Variants in UST observed in about 807,000 individuals in gnomAD.
The protein encoded by UST is uronyl 2-sulfotransferase.
Under a neutral mutation model 45.6 loss-of-function variants are expected in UST, and 21 were observed. The ratio of observed to expected loss-of-function variants is 0.46; its 90% CI spans 0.33 to 0.66. UST has a LOEUF of 0.66. Ranked by LOEUF, UST falls within the 30% of genes least tolerant of loss-of-function variation. The pLI, the probability that UST is intolerant of heterozygous loss-of-function variation, is 0.02. For synonymous variants in UST, 215 were observed against 200.6 expected, an observed-to-expected ratio of 1.07 and a Z score of -0.61; for missense variants, 463 against 512.4, an observed-to-expected ratio of 0.90 and a Z score of 0.93.
intron 3 of UST, among the ~76,000 whole-genome samples, chr6:148,945,885 A>G (rs1780224984): frequency 6.6e-6 from 1 of 152,168 alleles, no homozygotes; most frequent in Non-Finnish European, 1.5e-5. Flanking sequence ...CTACTATATC[A>G]CTATAAACGT....
At chr6:149,016,906 T>C (rs1285217359) in intron 5 of UST, among the ~76,000 whole-genome samples, 3 of 152,188 alleles carry the variant, frequency 2.0e-5, no homozygotes, top group African/African-American at 7.2e-5. Context: ...ACCAGGGTTA[T>C]TGGGTCCCTC....
intron 1 of UST, among the ~76,000 whole-genome samples, chr6:148,754,230 T>C (rs1431439955): frequency 6.6e-6 from 1 of 152,116 alleles, no homozygotes; most frequent in African/African-American, 2.4e-5. Flanking sequence ...TCTCCTGACC[T>C]CGTGATTCGC....
chr6:148,793,105 A>G (rs982748830), intron 1 of UST, among the ~76,000 whole-genome samples: 3 of 152,178 alleles, frequency 2.0e-5, no homozygotes, highest in Admixed American at 2.0e-4. Context: ...ACATGAAATG[A>G]TTTTTAATAT....
At chr6:148,819,964 G>A (rs980038039) in intron 1 of UST, among the ~76,000 whole-genome samples, 3 of 152,128 alleles carry the variant, frequency 2.0e-5, no homozygotes, top group African/African-American at 7.2e-5. Flanking sequence ...TTTCTAGAAT[G>A]CTCCGAAGGC....
chr6:149,076,876 C>CT lies in UST; in HGVS notation c.*2773dup, dbSNP rs36118825. On this transcript the variant is annotated 3_prime_UTR_variant, in exon 8 of 8. Coordinates refer to ENST00000367463, the MANE Select transcript of UST (RefSeq NM_005715.3). ...GAGTGCCGTAAAAGTGCTTGTAAAT[C>CT]TTTTTTTTTTTTTAAGAAGAAAGAA... The CT allele has an allele frequency of 3.8e-3, 519 of 137,006 alleles. 4 individuals carry two copies. The highest frequency in any genetic ancestry group is 0.011 in the Middle Eastern group (3 of 264). 8.5% of individuals were successfully genotyped at this position (137,006 alleles called of 1,614,324 possible). A position where few individuals can be genotyped will look rare whatever the true frequency, so the allele number is the denominator to read the frequency against.
At chr6:148,891,784 T>C (rs1021518845) in intron 2 of UST, among the ~76,000 whole-genome samples, 1 of 152,216 alleles carries the variant, frequency 6.6e-6, no homozygotes, top group Non-Finnish European at 1.5e-5. Flanking sequence ...CAGAAAAAAA[T>C]AGTCATCACC....
chr6:148,898,834 T>C (rs980908774), intron 2 of UST, among the ~76,000 whole-genome samples: 4 of 152,196 alleles, frequency 2.6e-5, no homozygotes, highest in African/African-American at 9.7e-5. Context: ...CAGACCAGCC[T>C]CAGTTACAAA....
intron 1 of UST, among the ~76,000 whole-genome samples, chr6:148,879,434 T>G (rs900128068): frequency 3.3e-5 from 5 of 152,248 alleles, no homozygotes; most frequent in Non-Finnish European, 7.3e-5. Context: ...GAATTTGTGT[T>G]TTGCAGCTCA....
intron 1 of UST, among the ~76,000 whole-genome samples, chr6:148,775,962 A>G (rs139311973): frequency 8.5e-5 from 13 of 152,260 alleles, no homozygotes; most frequent in East Asian, 5.8e-4. Context: ...ACCTTGTTCT[A>G]GGAGAACAGG....
chr6:148,980,027 C>A (rs944245989), intron 5 of UST, among the ~76,000 whole-genome samples: 1 of 152,122 alleles, frequency 6.6e-6, no homozygotes, highest in Non-Finnish European at 1.5e-5. Context: ...GCTTATTGTG[C>A]CTCACAATAT....
chr6:148,773,360 C>A (rs1262035281), intron 1 of UST, among the ~76,000 whole-genome samples: 1 of 151,870 alleles, frequency 6.6e-6, no homozygotes, highest in Non-Finnish European at 1.5e-5. Flanking sequence ...ACTCAGGAGG[C>A]TGAGGCAGGA....
intron 1 of UST, among the ~76,000 whole-genome samples, chr6:148,880,901 C>T (rs915744764): frequency 2.0e-5 from 3 of 151,702 alleles, no homozygotes; most frequent in Non-Finnish European, 4.4e-5. Flanking sequence ...TGGTGGTGGG[C>T]GCCTGTAATC....
intron 1 of UST, among the ~76,000 whole-genome samples, chr6:148,855,332 T>A (rs549475133): frequency 6.6e-6 from 1 of 152,196 alleles, no homozygotes; most frequent in Non-Finnish European, 1.5e-5. Flanking sequence ...CCTCTCATAG[T>A]GCTCTAACAA....
intron 7 of UST, among the ~76,000 whole-genome samples, chr6:149,061,164 G>A (rs1205180133): frequency 1.3e-5 from 2 of 152,154 alleles, no homozygotes; most frequent in Non-Finnish European, 2.9e-5. Flanking sequence ...CTGTCCTCCG[G>A]TGCAGCAGCT....
intron 5 of UST, among the ~76,000 whole-genome samples, chr6:149,006,719 C>A (rs1775703364): frequency 6.6e-6 from 1 of 152,176 alleles, no homozygotes; most frequent in South Asian, 2.1e-4. Flanking sequence ...ACCAACAGTG[C>A]AAAATGTTCC....
chr6:148,829,402 G>A (rs1418162614), intron 1 of UST, among the ~76,000 whole-genome samples: 2 of 152,200 alleles, frequency 1.3e-5, no homozygotes, highest in Non-Finnish European at 2.9e-5. Flanking sequence ...GGAAAATGCA[G>A]AAATCTTCAG....
intron 5 of UST, among the ~76,000 whole-genome samples, chr6:148,984,250 C>T (rs967584682): frequency 1.3e-5 from 2 of 152,136 alleles, no homozygotes; most frequent in Admixed American, 6.5e-5. Context: ...TGGTTCTAGC[C>T]CTCCCAGAGT....
At chr6:148,849,193 A>G (rs1031534778) in intron 1 of UST, among the ~76,000 whole-genome samples, 2 of 152,206 alleles carry the variant, frequency 1.3e-5, no homozygotes, top group African/African-American at 4.8e-5. Flanking sequence ...AAGGACACAC[A>G]GGAAGCAATG....
intron 1 of UST, among the ~76,000 whole-genome samples, chr6:148,785,149 C>T (rs1164832893): frequency 6.6e-6 from 1 of 150,526 alleles, no homozygotes; most frequent in African/African-American, 2.5e-5. Flanking sequence ...TGCAGTGAGC[C>T]GAGACTGAGC....
Sources: gnomAD v4.1 joint callset for allele counts (sites outside exome capture counted in the v4.1 genomes callset) on GRCh38, gnomAD v4.1.1 for gene constraint, MANE v1.5 for transcripts, NCBI Gene and HGNC (gene_info 2026-07-23, HGNC 2026-07-21) for gene names.